TRHDE: variants seen among roughly 807,000 people sequenced by gnomAD.
TRHDE encodes the protein thyrotropin releasing hormone degrading enzyme.
TRHDE carries 72 observed loss-of-function variants against 125.7 expected under a neutral mutation model. That is an observed-to-expected ratio of 0.57 (90% confidence interval 0.47 to 0.70). The LOEUF (loss-of-function observed/expected upper bound fraction) is 0.70, where lower values mean the gene tolerates loss of function less well. TRHDE is among the 30% of genes least tolerant of loss of function. TRHDE has a pLI of 0.00. For missense variants in TRHDE, 1,110 were observed against 1,327.1 expected (o/e 0.84, Z 2.54); for synonymous variants, 509 against 509.1 (o/e 1.00, Z 0.00).
chr12:72,115,567 C>G (rs190874947), intron 2 of TRHDE, among the ~76,000 whole-genome samples: 4 of 152,190 alleles, frequency 2.6e-5, no homozygotes, highest in African/African-American at 7.2e-5. Flanking sequence ...ATATTCCTAA[C>G]AGTGAGATTG....
chr12:72,140,886 G>A (rs1876096213), intron 2 of TRHDE, among the ~76,000 whole-genome samples: 1 of 152,146 alleles, frequency 6.6e-6, no homozygotes, highest in African/African-American at 2.4e-5. Context: ...CAAATCTGGG[G>A]AGAAGGTGAG....
intron 5 of TRHDE, among the ~76,000 whole-genome samples, chr12:72,474,409 A>T (rs113038886): frequency 4.6e-4 from 70 of 152,212 alleles, no homozygotes; most frequent in African/African-American, 1.6e-3. Context: ...AGCTTTGTAC[A>T]CTTTGTCTAA....
intron 3 of TRHDE, among the ~76,000 whole-genome samples, chr12:72,418,021 G>T (rs1873802565): frequency 6.6e-6 from 1 of 151,862 alleles, no homozygotes; most frequent in Non-Finnish European, 1.5e-5. Flanking sequence ...AATATTTTAG[G>T]CTTCAGGTTT....
At chr12:72,147,233 G>T (rs1449958080) in intron 2 of TRHDE, among the ~76,000 whole-genome samples, 3 of 151,962 alleles carry the variant, frequency 2.0e-5, no homozygotes, top group African/African-American at 7.3e-5. Flanking sequence ...CTTTGCTGGG[G>T]AACTGCCCTC....
intron 2 of TRHDE, among the ~76,000 whole-genome samples, chr12:72,324,552 G>T (rs1047443278): frequency 6.6e-6 from 1 of 152,116 alleles, no homozygotes; most frequent in Non-Finnish European, 1.5e-5. Flanking sequence ...TGGTCCACAG[G>T]AGTCATCAGA....
chr12:72,242,221 C>G (rs10748192), intron 2 of TRHDE, among the ~76,000 whole-genome samples: 41 of 152,050 alleles, frequency 2.7e-4, no homozygotes, highest in African/African-American at 9.9e-4. Context: ...GTCATGAAGA[C>G]TTTCTTTGAA....
chr12:72,437,818 A>G (rs1438007572), intron 3 of TRHDE, among the ~76,000 whole-genome samples: 1 of 151,794 alleles, frequency 6.6e-6, no homozygotes, highest in East Asian at 1.9e-4. Flanking sequence ...GCATTTTTCA[A>G]GAATACAATA....
chr12:72,487,206 G>C (rs1444192928), intron 5 of TRHDE, among the ~76,000 whole-genome samples: 1 of 151,950 alleles, frequency 6.6e-6, no homozygotes, highest in Non-Finnish European at 1.5e-5. Flanking sequence ...AAAAGAGACA[G>C]AAAAAGAAAG....
At chr12:72,392,839 A>T (rs1411001541) in intron 3 of TRHDE, among the ~76,000 whole-genome samples, 1 of 152,170 alleles carries the variant, frequency 6.6e-6, no homozygotes, top group African/African-American at 2.4e-5. Context: ...ATCAAACTAA[A>T]CTGGCACATT....
chr12:72,277,957 C>T (rs1178803874), intron 1 of TRHDE, among the ~76,000 whole-genome samples: 2 of 152,014 alleles, frequency 1.3e-5, no homozygotes, highest in Non-Finnish European at 2.9e-5. Flanking sequence ...GAATGTTTAA[C>T]ATCTACTCTC....
chr12:72,662,957 T>C, intron 18 of TRHDE, 95 bp from the exon 19 acceptor site: 1 of 1,314,318 alleles, frequency 7.6e-7, no homozygotes, highest in East Asian at 2.3e-5. Flanking sequence ...AATATATTGT[T>C]TTTTAATGTT....
chr12:72,378,170 A>G, intron 3 of TRHDE, 49 bp downstream of exon 3: 9 of 1,504,932 alleles, frequency 6.0e-6, no homozygotes, highest in Non-Finnish European at 7.1e-6. Context: ...TGAAAGTGGA[A>G]TTTCTTCTTC....
At chr12:72,512,714 A>C (rs891427915) in intron 6 of TRHDE, among the ~76,000 whole-genome samples, 1 of 148,148 alleles carries the variant, frequency 6.8e-6, no homozygotes, top group African/African-American at 2.5e-5. Context: ...ACAGAATTCT[A>C]TAGTACTTAG....
chr12:72,280,418 C>T (rs901272777), intron 1 of TRHDE, among the ~76,000 whole-genome samples: 3 of 152,112 alleles, frequency 2.0e-5, no homozygotes, highest in African/African-American at 7.2e-5. Flanking sequence ...TGGGGTTTCC[C>T]CTTGCTGGCA....
At chr12:72,535,037 C>T (rs190208591) in intron 6 of TRHDE, among the ~76,000 whole-genome samples, 12 of 151,636 alleles carry the variant, frequency 7.9e-5, no homozygotes, top group Admixed American at 2.0e-4. Flanking sequence ...ATTTGGGGGG[C>T]AGGGGACTAA....
At chr12:72,463,517 A>G (rs1038004030) in intron 3 of TRHDE, among the ~76,000 whole-genome samples, 2 of 152,194 alleles carry the variant, frequency 1.3e-5, no homozygotes, top group Non-Finnish European at 2.9e-5. Context: ...AAGTAGGACA[A>G]TTGATAACTA....
intron 2 of TRHDE, among the ~76,000 whole-genome samples, chr12:72,339,598 A>G (rs574188807): frequency 1.3e-5 from 2 of 152,122 alleles, no homozygotes; most frequent in Admixed American, 6.5e-5. Flanking sequence ...AGCATCTTCT[A>G]TTTCTCCTTT....
chr12:72,234,843 T>C (rs905563538), intron 2 of TRHDE, among the ~76,000 whole-genome samples: 2 of 152,176 alleles, frequency 1.3e-5, no homozygotes, highest in Non-Finnish European at 2.9e-5. Flanking sequence ...TGACCTGTAG[T>C]TCCTAAAATT....
intron 2 of TRHDE, among the ~76,000 whole-genome samples, chr12:72,321,247 G>C (rs138789986): frequency 3.5e-3 from 535 of 152,242 alleles, no homozygotes; most frequent in African/African-American, 0.012. Context: ...ATAACAGAAG[G>C]GGGCAAATGC....
Sources: gnomAD v4.1 joint callset for allele counts (sites outside exome capture counted in the v4.1 genomes callset) on GRCh38, gnomAD v4.1.1 for gene constraint, MANE v1.5 for transcripts, NCBI Gene and HGNC (gene_info 2026-07-23, HGNC 2026-07-21) for gene names.